Variants in ZNF726 observed in about 807,000 individuals in gnomAD.
ZNF726 encodes the protein zinc finger protein 92 pseudogene 3.
A neutral mutation model predicts 11.6 loss-of-function variants in ZNF726; 15 were observed. The observed-to-expected ratio is 1.29, with a 90% CI of 0.86 to 1.99. The LOEUF (loss-of-function observed/expected upper bound fraction) is 1.99. ZNF726 is among the 30% of genes most tolerant of loss of function. ZNF726 has a pLI of 0.00. For missense variants in ZNF726, 890 were observed against 725.6 expected (o/e 1.23, Z -2.60); for synonymous variants, 295 against 243.6 (o/e 1.21, Z -1.96).
rs1330869434 is a variant in ZNF726, at chr19:23,932,600, A to G, written c.484A>G (p.Arg162Gly). The change falls in exon 4 of 4, where the codon AGA becomes GGA. Residue 162 changes from arginine (R) to glycine (G), a missense_variant. Arg to Gly is a moderately radical substitution (Grantham distance 125). Transcript: ENST00000594466. ...CTTTTATAAATTTATAAATTTAAAC[A>G]GATATAAGATAAGACATACTAGAAA... ...KVFYKFINLN[R>G]YKIRHTRKKP... 4.6e-6 allele frequency: 7 copies of G among 1,536,982 alleles called. No homozygotes were observed. In the African/African-American group the frequency reaches 9.9e-5, roughly 22 times the overall value.
chr19:23,932,333 T>G lies in ZNF726; in HGVS notation c.227-10T>G. The stretch of plus-strand genomic sequence containing the variant: ...AGTAAGTGGAGTAAATTATTTTAAT[T>G]TTTTTTTAGGTATATGTCCTCATTT... On this transcript the variant is annotated splice_polypyrimidine_tract_variant and intron_variant, in intron 3 of 3. Coordinates refer to ENST00000594466, the MANE Select transcript of ZNF726 (RefSeq NM_001244038.2). The G allele has an allele frequency of 7.5e-7, 1 of 1,328,238 alleles. No homozygotes were observed. Among genetic ancestry groups the G allele is most frequent in the Non-Finnish European group, 9.7e-7 (1 of 1,035,000 alleles). 82.3% of individuals were successfully genotyped at this position (1,328,238 alleles called of 1,614,324 possible). A position where few individuals can be genotyped will look rare whatever the true frequency, so the allele number is the denominator to read the frequency against.
chr19:23,926,558 A>C (rs1050031507), intron 3 of ZNF726, among the ~76,000 whole-genome samples: 24 of 133,986 alleles, frequency 1.8e-4, no homozygotes, highest in African/African-American at 6.6e-4. Flanking sequence ...CAACAGAGCA[A>C]GACTCTGTTC....
chr19:23,919,669 T>A (rs1967793804), intron 2 of ZNF726, 170 bp downstream of exon 2: 2 of 821,042 alleles, frequency 2.4e-6, no homozygotes, highest in South Asian at 4.1e-5. Flanking sequence ...GACCTGAAAT[T>A]TCCACATTCC....
chr19:23,931,558 T>G (rs1203170287), intron 3 of ZNF726, among the ~76,000 whole-genome samples: 1 of 152,166 alleles, frequency 6.6e-6, no homozygotes, highest in Non-Finnish European at 1.5e-5. Flanking sequence ...ACTGCTATAT[T>G]TTGTATATAT....
In ZNF726 at chr19:23,934,008, A is replaced by T; in HGVS notation, c.*41A>T. On this transcript the variant is annotated 3_prime_UTR_variant, in exon 4 of 4. Coordinates refer to ENST00000594466, the MANE Select transcript of ZNF726 (RefSeq NM_001244038.2). ...GGGTAAAGAATGTGGCAAAGCATTT[A>T]TATGGTCCTCAACGCTAAACATAAG... is the stretch of plus-strand genomic sequence containing the variant. 1.3e-6 allele frequency: 2 copies of T among 1,553,346 alleles called. No individual in the cohort carries two copies. The highest frequency in any genetic ancestry group is 1.8e-6 in the Non-Finnish European group (2 of 1,139,836).
intron 3 of ZNF726, among the ~76,000 whole-genome samples, chr19:23,930,166 T>A (rs181182188): frequency 8.3e-4 from 127 of 152,322 alleles, no homozygotes; most frequent in Admixed American, 6.1e-3. Flanking sequence ...TTGGATTTTT[T>A]AATTTTCATC....
At position 23,941,455 on chromosome 19, in the gene ZNF726, C is replaced by G. The variant is rs116066231; in HGVS notation, c.227-2039C>G. The stretch of plus-strand genomic sequence containing the variant: ...CTGTAGTTTTCTTTTCTGGTTTTGT[C>G]TTTTCTGGTTTTGGTTGTAGGGTGA... On this transcript the variant is annotated intron_variant, in intron 3 of 4. Coordinates refer to the ZNF726 transcript ENST00000334589. Among the ~76,000 whole-genome samples the G allele has an allele frequency of 5.0e-3, 754 of 152,078 alleles. 4 individuals are homozygous for G. Among genetic ancestry groups the G allele is most frequent in the African/African-American group, 0.018 (728 of 41,504 alleles).
chr19:23,937,488 G>A (rs1291096404), downstream of ZNF726, among the ~76,000 whole-genome samples: 4 of 150,832 alleles, frequency 2.7e-5, no homozygotes, highest in South Asian at 2.1e-4. Context: ...GGGCAGAGAC[G>A]CTCCTCACAT....
At chr19:23,934,538 T>A, downstream of ZNF726, 1 of 359,840 alleles carries the variant, frequency 2.8e-6, no homozygotes, top group Non-Finnish European at 5.4e-6. Flanking sequence ...TTCTGTTCAC[T>A]GTTCAGAATT....
In ZNF726 at chr19:23,933,936, C is replaced by A. The variant is rs1342839268; in HGVS notation, c.1820C>A (p.Thr607Asn). Reference sequence around the variant, plus strand: ...GGCAAATCATTTATCTGGTCCTCAACCCTTTTTAAGCATAAGAGGATTCAT... The same window carrying A: ...GGCAAATCATTTATCTGGTCCTCAAACCTTTTTAAGCATAAGAGGATTCAT... ...ECGKSFIWSS[T>N]LFKHKRIHT is the part of the protein sequence containing the mutation. Residue 607 changes from threonine to asparagine, a missense_variant, in exon 4 of 4, where the codon ACC (threonine) becomes AAC (asparagine). Coordinates refer to ENST00000594466, the MANE Select transcript of ZNF726 (RefSeq NM_001244038.2). The A allele has an allele frequency of 2.5e-6, 4 of 1,581,690 alleles. No individual in the cohort carries two copies. Among genetic ancestry groups the A allele is most frequent in the Middle Eastern group, 1.7e-4 (1 of 6,024 alleles).
chr19:23,930,973 T>C (rs897669550), intron 3 of ZNF726, among the ~76,000 whole-genome samples: 2 of 152,032 alleles, frequency 1.3e-5, no homozygotes, highest in African/African-American at 4.8e-5. Flanking sequence ...AATTTTTCCT[T>C]CTTTTTTTCT....
In ZNF726 at chr19:23,934,255, C is replaced by A. The variant is rs1309824678; in HGVS notation, c.*288C>A. On this transcript the variant is annotated 3_prime_UTR_variant, in exon 4 of 4. Transcript: ENST00000594466. ...GAAAAATGTGGCAAAGCATATGGTC[C>A]ACACCCCTAAGTAGACATAAGAGGA... 1 of 672,626 alleles carries A rather than the reference C, an allele frequency of 1.5e-6. No individual in the cohort carries two copies. Among genetic ancestry groups the A allele is most frequent in the Non-Finnish European group, 2.8e-6 (1 of 355,374 alleles). The allele number at this position is 672,626 out of a possible 1,614,324, so 41.7% of individuals were successfully genotyped here.
intron 3 of ZNF726, among the ~76,000 whole-genome samples, chr19:23,932,059 T>G (rs141659294): frequency 0.022 from 3,299 of 152,280 alleles, 55 homozygotes; most frequent in Non-Finnish European, 0.036. Context: ...GGAAAAGCTG[T>G]GTTGGGTAAA....
Position 23,933,061 on chromosome 19 carries a change from T to G in ZNF726, c.945T>G (p.Cys315Trp), listed in dbSNP as rs750762287. The G allele has an allele frequency of 2.9e-5, 46 of 1,613,714 alleles. No homozygotes were observed. The highest frequency in any genetic ancestry group is 3.8e-5 in the Non-Finnish European group (45 of 1,179,964). Residue 315 changes from cysteine to tryptophan, a missense_variant, in exon 4 of 4, where the codon TGT becomes TGG. By Grantham distance (215) the Cys-to-Trp change is radical. Transcript: ENST00000594466. ...ACATTGGAGAGAAACCCTACAAATG[T>G]GAAGAATGTGGCAAAGCATTTGTTT... ...RMHIGEKPYK[C>W]EECGKAFVWS...
In ZNF726 at chr19:23,932,699, TATAC is replaced by T; in HGVS notation, c.584_587del (p.Tyr195LeufsTer54). On this transcript the variant is annotated frameshift_variant, in exon 4 of 4. Coordinates refer to ENST00000594466, the MANE Select transcript of ZNF726 (RefSeq NM_001244038.2). LOFTEE classifies it low-confidence loss of function (END_TRUNC). The stretch of plus-strand genomic sequence containing the variant: ...ACACAAAACCCAGCATAAAAGCATA[TATAC>T]TACAGAGAAGTCCTACAAATGTAAA... 3 of 1,602,202 alleles carry T rather than the reference TATAC, an allele frequency of 1.9e-6. No homozygotes were observed. Among genetic ancestry groups the T allele is most frequent in the Non-Finnish European group, 2.5e-6 (3 of 1,176,626 alleles).
At chr19:23,936,422 C>T (rs1302555098), downstream of ZNF726, among the ~76,000 whole-genome samples, 1 of 152,000 alleles carries the variant, frequency 6.6e-6, no homozygotes, top group African/African-American at 2.4e-5. Flanking sequence ...TTTAAAAAAG[C>T]AAATAATGGA....
chr19:23,926,842 T>C (rs1054354848), intron 3 of ZNF726, among the ~76,000 whole-genome samples: 11 of 152,152 alleles, frequency 7.2e-5, no homozygotes, highest in Non-Finnish European at 1.5e-4. Context: ...GTTTTTGTTA[T>C]TGTTGATTTT....
In ZNF726 at chr19:23,933,233, GA is replaced by G; in HGVS notation, c.1119del (p.Glu373AspfsTer12). On this transcript the variant is annotated frameshift_variant, in exon 4 of 4. Transcript: ENST00000594466. LOFTEE classifies it low-confidence loss of function (END_TRUNC). Reference sequence around the variant, plus strand: ...TGGAGAGAAACCCTACAAATGTGAAGAATGTGGCAAAGCATTTATATGGCCC... The same window carrying G: ...TGGAGAGAAACCCTACAAATGTGAAGATGTGGCAAAGCATTTATATGGCCC... ...HTGEKPYKCEECGKAFIWPST... is the reference protein window; with the variant it reads ...HTGEKPYKCEXCGKAFIWPST... The G allele has an allele frequency of 1.2e-6, 2 of 1,613,238 alleles. No homozygotes were observed. The highest frequency in any genetic ancestry group is 1.7e-6 in the Non-Finnish European group (2 of 1,179,980).
At position 23,933,686 on chromosome 19, in the gene ZNF726, C is replaced by G. The variant is rs1191154779; in HGVS notation, c.1570C>G (p.Leu524Val). 2 of 1,612,282 alleles carry G rather than the reference C, an allele frequency of 1.2e-6. No homozygotes were observed. The highest frequency in any genetic ancestry group is 1.7e-6 in the Non-Finnish European group (2 of 1,179,968). The change falls in exon 4 of 4, where the codon CTA (leucine) becomes GTA (valine). Residue 524 changes from leucine to valine, a missense_variant. Leu to Val is a conservative substitution (Grantham distance 32, BLOSUM62 1). Coordinates refer to ENST00000594466, the MANE Select transcript of ZNF726 (RefSeq NM_001244038.2). ...CAAAGCATTTATATTGTCCTCGACC[C>G]TATCTAAACATAAGAGGATTCACAC... ...CGKAFILSST[L>V]SKHKRIHTGE...
Sources: allele counts gnomAD v4.1 joint callset (sites outside exome capture counted in the v4.1 genomes callset), GRCh38; gene constraint gnomAD v4.1.1; transcripts MANE v1.5; gene names NCBI Gene and HGNC (gene_info 2026-07-23, HGNC 2026-07-21).